UGT1A6: variants seen among roughly 807,000 people sequenced by gnomAD.
UGT1A6 encodes the protein UDP glucuronosyltransferase family 1 member A6, also known as UDP-glucuronosyltransferase 1A6.
In UGT1A6, 32 loss-of-function variants were observed where a neutral mutation model predicts 44.4. The ratio of observed to expected loss-of-function variants is 0.72; its 90% confidence interval spans 0.54 to 0.97. The LOEUF is 0.97. Among genes scored for constraint, UGT1A6 ranks in the 50% least tolerant of loss-of-function variants. The pLI is 0.00. For missense variants in UGT1A6, 685 were observed against 661.9 expected, an observed-to-expected ratio of 1.03 and a Z score of -0.38; for synonymous variants, 238 against 248.5, an observed-to-expected ratio of 0.96 and a Z score of 0.40.
chr2:233,710,959 TG>T (rs2076155501), intron 1 of UGT1A6, among the ~76,000 whole-genome samples: 1 of 152,232 alleles, frequency 6.6e-6, no homozygotes, highest in Non-Finnish European at 1.5e-5. Context: ...TCTCTGAGAT[TG>T]GCAGAGGGGA....
chr2:233,747,828 A>G, intron 1 of UGT1A6: 8 of 1,613,512 alleles, frequency 5.0e-6, no homozygotes, highest in Non-Finnish European at 6.8e-6. Flanking sequence ...AGACCACATG[A>G]CATTCCTGCA....
intron 1 of UGT1A6, among the ~76,000 whole-genome samples, chr2:233,749,386 A>T (rs1303750912): frequency 1.3e-5 from 2 of 151,906 alleles, no homozygotes; most frequent in African/African-American, 2.4e-5. Context: ...CAGTTTTTCA[A>T]TGTGAACATA....
intron 1 of UGT1A6, chr2:233,747,483 C>A (rs993277218): frequency 6.2e-7 from 1 of 1,608,496 alleles, no homozygotes; most frequent in Non-Finnish European, 8.5e-7. Context: ...TGAATTTGAT[C>A]GCCTTGTGCT....
chr2:233,746,322 CT>C (rs1693360361), intron 1 of UGT1A6, among the ~76,000 whole-genome samples: 1 of 151,756 alleles, frequency 6.6e-6, no homozygotes, highest in Admixed American at 6.5e-5. Flanking sequence ...TGTAGATGAT[CT>C]ACAGGGCAAT....
intron 1 of UGT1A6, among the ~76,000 whole-genome samples, chr2:233,707,976 C>T (rs189424052): frequency 1.3e-5 from 2 of 152,244 alleles, no homozygotes; most frequent in Non-Finnish European, 2.9e-5. Flanking sequence ...GTCTATTGCC[C>T]ACTGGGTTGT....
intron 4 of UGT1A6, among the ~76,000 whole-genome samples, chr2:233,772,034 G>A (rs1488407782): frequency 1.3e-5 from 2 of 152,152 alleles, no homozygotes; most frequent in African/African-American, 2.4e-5. Context: ...GATGGCTTGA[G>A]CCCAGGAGTT....
At chr2:233,759,284 T>G (rs1280598347) in intron 1 of UGT1A6, among the ~76,000 whole-genome samples, 1 of 152,192 alleles carries the variant, frequency 6.6e-6, no homozygotes, top group Non-Finnish European at 1.5e-5. Flanking sequence ...GATTGGTTGA[T>G]GAAGCTGAGC....
chr2:233,747,081 A>G (rs1196647513), intron 1 of UGT1A6: 7 of 1,127,108 alleles, frequency 6.2e-6, no homozygotes, highest in Non-Finnish European at 1.2e-6. Context: ...ATTAACTAGG[A>G]GGAGAGCACT....
chr2:233,710,884 G>A (rs539845882), intron 1 of UGT1A6, among the ~76,000 whole-genome samples: 10 of 152,338 alleles, frequency 6.6e-5, no homozygotes, highest in African/African-American at 1.9e-4. Flanking sequence ...AACAGTTTAA[G>A]TTTGTAGGTT....
At chr2:233,766,327 G>T (rs373926451) in intron 1 of UGT1A6, among the ~76,000 whole-genome samples, 1 of 152,130 alleles carries the variant, frequency 6.6e-6, no homozygotes, top group Admixed American at 6.5e-5. Flanking sequence ...CAAACTCCGC[G>T]TTGTTCTGCT....
At chr2:233,772,075 T>C (rs1032984731) in intron 4 of UGT1A6, among the ~76,000 whole-genome samples, 187 bp from the exon 5 acceptor site, 85 of 152,270 alleles carry the variant, frequency 5.6e-4, no homozygotes, top group Non-Finnish European at 1.0e-3. Flanking sequence ...CTTGTGCCAC[T>C]ACACTCCAGC....
Position 233,768,253 on chromosome 2 carries a change from C to G in UGT1A6, c.1115C>G (p.Ala372Gly). ...HPMTRAFITH[A>G]GSHGVYESIC... ...ATGACCCGTGCCTTTATCACCCATG[C>G]TGGTTCCCATGGTGTTTATGAAAGC... The change falls in exon 4 of 5, where the codon GCT becomes GGT. Residue 372 changes from alanine (A) to glycine (G), a missense_variant. Transcript: ENST00000305139. 6.2e-7 allele frequency: 1 copy of G among 1,614,206 alleles called. No homozygotes were observed. Among genetic ancestry groups the G allele is most frequent in the Non-Finnish European group, 8.5e-7 (1 of 1,180,038 alleles).
rs1301858882 is a variant in UGT1A6 at position 233,760,759 on chromosome 2, C to T, written c.862-6275C>T. 2.5e-6 allele frequency: 4 copies of T among 1,613,948 alleles called. No homozygotes were observed. In the African/African-American group the frequency reaches 4.0e-5, roughly 16 times the overall value. On this transcript the variant is annotated intron_variant, in intron 1 of 4. Transcript: ENST00000305139. Reference sequence around the variant, plus strand: ...GACGGACCCTTTCCTTCCTTGCAGCCCCATCGTGGCCCAGTACCTGTCTCT... The same window carrying T: ...GACGGACCCTTTCCTTCCTTGCAGCTCCATCGTGGCCCAGTACCTGTCTCT...
intron 1 of UGT1A6, among the ~76,000 whole-genome samples, chr2:233,711,377 C>G (rs1440566263): frequency 6.6e-6 from 1 of 152,222 alleles, no homozygotes; most frequent in Non-Finnish European, 1.5e-5. Flanking sequence ...GTGAGAGCAC[C>G]CTCCCAGGTG....
At chr2:233,759,330 G>A (rs1053848979) in intron 1 of UGT1A6, among the ~76,000 whole-genome samples, 20 of 152,160 alleles carry the variant, frequency 1.3e-4, no homozygotes, top group Admixed American at 1.3e-3. Flanking sequence ...TTAATTGGTT[G>A]GTTCAGGTGA....
intron 1 of UGT1A6, among the ~76,000 whole-genome samples, chr2:233,765,843 C>T (rs546022798): frequency 6.6e-6 from 1 of 151,968 alleles, no homozygotes; most frequent in Admixed American, 6.6e-5. Flanking sequence ...TTTCCTTGTC[C>T]CCCTCACAGA....
At chr2:233,701,472 C>T (rs1331226605) in intron 1 of UGT1A6, among the ~76,000 whole-genome samples, 3 of 152,248 alleles carry the variant, frequency 2.0e-5, no homozygotes, top group South Asian at 4.2e-4. Context: ...AGGAATTGAA[C>T]TCAGCTCTGC....
chr2:233,757,554 ATATATATG>A lies in UGT1A6; in HGVS notation c.862-9471_862-9464del, dbSNP rs1052235726. On this transcript the variant is annotated intron_variant, in intron 1 of 4. Transcript: ENST00000305139. ...GTAAGGAATATATATATATATATAT[ATATATATG>A]TATATATGATATAGCTATAGTCTAA... Among the ~76,000 whole-genome samples the A allele has an allele frequency of 3.8e-3, 481 of 125,326 alleles. 1 individual carries two copies. Among genetic ancestry groups the A allele is most frequent in the Non-Finnish European group, 4.6e-3 (284 of 61,224 alleles). 82.2% of individuals were successfully genotyped at this position (125,326 alleles called of 152,430 possible).
intron 1 of UGT1A6, chr2:233,740,576 G>A (rs1691425375): frequency 6.6e-6 from 1 of 151,744 alleles, no homozygotes; most frequent in Non-Finnish European, 1.5e-5. Flanking sequence ...TGTTTTTTGG[G>A]ACCCTAATGA....
Sources: gnomAD v4.1 joint callset for allele counts (sites outside exome capture counted in the v4.1 genomes callset) on GRCh38, gnomAD v4.1.1 for gene constraint, MANE v1.5 for transcripts, NCBI Gene and HGNC (gene_info 2026-07-23, HGNC 2026-07-21) for gene names.